The following THSD4 variants were observed in gnomAD, a reference collection of about 807,000 sequenced individuals.
THSD4 encodes thrombospondin type-1 domain-containing protein 4.
THSD4 carries 69 observed loss-of-function variants against 119.0 expected under a neutral mutation model. The ratio of observed to expected loss-of-function variants is 0.58; its 90% CI spans 0.48 to 0.71. The LOEUF is 0.71. Ranked by LOEUF, THSD4 falls within the 30% of genes least tolerant of loss-of-function variation. THSD4 has a pLI of 0.00. For missense variants in THSD4, 1,393 were observed against 1,391.1 expected (o/e 1.00, Z -0.02); for synonymous variants, 524 against 540.4 (o/e 0.97, Z 0.42).
At chr15:71,315,082 A>G (rs2045167671) in intron 6 of THSD4, among the ~76,000 whole-genome samples, 2 of 152,144 alleles carry the variant, frequency 1.3e-5, no homozygotes, top group Non-Finnish European at 2.9e-5. Flanking sequence ...GAATATGTTG[A>G]TGGCAGTGGT....
At chr15:71,152,422 CA>C (rs11312461) in intron 2 of THSD4, among the ~76,000 whole-genome samples, 11,875 of 120,442 alleles carry the variant, frequency 0.099, 824 homozygotes, top group African/African-American at 0.24. Flanking sequence ...ACTCTGTCTC[CA>C]AAAAAAAAAA....
upstream of THSD4, chr15:71,112,402 C>G (rs77754817): frequency 1.0e-3 from 567 of 551,870 alleles, 4 homozygotes; most frequent in African/African-American, 1.0e-2. Context: ...TGACACATGA[C>G]AGAAGAGTTA....
intron 4 of THSD4, among the ~76,000 whole-genome samples, chr15:71,239,505 G>C (rs1414422360): frequency 1.3e-5 from 2 of 152,112 alleles, no homozygotes; most frequent in East Asian, 3.9e-4. Context: ...TGAACCACTA[G>C]CCTACACTGA....
intron 6 of THSD4, among the ~76,000 whole-genome samples, chr15:71,315,620 T>C (rs990452007): frequency 6.6e-6 from 1 of 152,234 alleles, no homozygotes; most frequent in African/African-American, 2.4e-5. Flanking sequence ...TTTATTTTCT[T>C]TTGAACAAAG....
chr15:71,114,607 G>T (rs753808165), upstream of THSD4, among the ~76,000 whole-genome samples: 1 of 152,170 alleles, frequency 6.6e-6, no homozygotes, highest in Non-Finnish European at 1.5e-5. Flanking sequence ...AAGAAACGGG[G>T]CCCTAGCAAT....
At chr15:71,608,473 A>G (rs757005130) in intron 7 of THSD4, among the ~76,000 whole-genome samples, 6 of 152,146 alleles carry the variant, frequency 3.9e-5, no homozygotes, top group Non-Finnish European at 5.9e-5. Context: ...TCTTACACAC[A>G]TGATATGAGC....
chr15:71,172,441 A>G (rs2043377541), intron 3 of THSD4, among the ~76,000 whole-genome samples: 1 of 151,934 alleles, frequency 6.6e-6, no homozygotes, highest in African/African-American at 2.4e-5. Flanking sequence ...ATTTAACACA[A>G]TTCCAATAAA....
chr15:71,538,593 G>C (rs1310070361), intron 7 of THSD4, among the ~76,000 whole-genome samples: 2 of 152,222 alleles, frequency 1.3e-5, no homozygotes, highest in African/African-American at 4.8e-5. Context: ...GCTTGAAGCA[G>C]TGGTTCCCAA....
chr15:71,381,403 C>G (rs60849218), intron 6 of THSD4, among the ~76,000 whole-genome samples: 7,309 of 152,268 alleles, frequency 0.048, 199 homozygotes, highest in African/African-American at 0.075. Context: ...CCTGCCAAAG[C>G]ATTTCCTTGG....
At chr15:71,750,341 A>T (rs141816826) in intron 14 of THSD4, among the ~76,000 whole-genome samples, 19 of 152,222 alleles carry the variant, frequency 1.2e-4, no homozygotes, top group African/African-American at 4.3e-4. Flanking sequence ...GCCACCATGC[A>T]CCTGTTATTG....
intron 3 of THSD4, among the ~76,000 whole-genome samples, chr15:71,161,675 T>C (rs1029450853): frequency 3.9e-5 from 6 of 152,106 alleles, no homozygotes; most frequent in African/African-American, 1.4e-4. Context: ...TATAGTTGGA[T>C]CTTGTTTTTT....
At chr15:71,597,727 C>T (rs986664842) in intron 7 of THSD4, among the ~76,000 whole-genome samples, 1 of 152,136 alleles carries the variant, frequency 6.6e-6, no homozygotes, top group Admixed American at 6.5e-5. Flanking sequence ...TTAACAAGCT[C>T]GACGCCTTAT....
chr15:71,342,425 GAGA>G (rs1365232378), intron 6 of THSD4: 2 of 153,212 alleles, frequency 1.3e-5, no homozygotes, highest in Non-Finnish European at 2.9e-5. Flanking sequence ...GAAAACAGGA[GAGA>G]AGAAACAACA....
In THSD4 at chr15:71,199,630, G is replaced by GCA. The variant is rs1217505492; in HGVS notation, c.100-15405_100-15404insCA. Among the ~76,000 whole-genome samples the GCA allele has an allele frequency of 1.2e-3, 180 of 146,934 alleles. 3 individuals are homozygous for GCA. The highest frequency in any genetic ancestry group is 4.6e-3 in the African/African-American group (175 of 38,394). ...TGTGTGTGGTGTGTGGGTGTGTGGT[G>GCA]TGTGTGGTGTGTGTGTGGTGTGTGT... On this transcript the variant is annotated intron_variant, in intron 3 of 17. Coordinates refer to ENST00000261862, the MANE Select transcript of THSD4 (RefSeq NM_024817.3).
intron 7 of THSD4, among the ~76,000 whole-genome samples, chr15:71,569,405 G>A (rs1478399750): frequency 6.6e-6 from 1 of 152,128 alleles, no homozygotes. Flanking sequence ...TTGGCCCAGT[G>A]ATCAATAATG....
At chr15:71,361,838 C>A (rs2045895420) in intron 6 of THSD4, among the ~76,000 whole-genome samples, 1 of 152,174 alleles carries the variant, frequency 6.6e-6, no homozygotes, top group Non-Finnish European at 1.5e-5. Flanking sequence ...TGTGTATGTG[C>A]TGATCTGGAC....
chr15:71,444,571 C>CA (rs1326848718), intron 7 of THSD4, among the ~76,000 whole-genome samples: 2 of 152,248 alleles, frequency 1.3e-5, no homozygotes, highest in Non-Finnish European at 2.9e-5. Flanking sequence ...CACAGCACCT[C>CA]ACGCTGCACG....
intron 6 of THSD4, among the ~76,000 whole-genome samples, chr15:71,354,694 ATAGT>A (rs1253852405): frequency 2.0e-5 from 3 of 152,168 alleles, no homozygotes; most frequent in African/African-American, 7.2e-5. Context: ...CAATCAGAAA[ATAGT>A]TAGGCCTTCT....
At chr15:71,473,205 A>T (rs899326906) in intron 7 of THSD4, among the ~76,000 whole-genome samples, 1 of 151,908 alleles carries the variant, frequency 6.6e-6, no homozygotes, top group Non-Finnish European at 1.5e-5. Context: ...CTACAGGCAC[A>T]CACTACCACA....
Sources: allele counts gnomAD v4.1 joint callset (sites outside exome capture counted in the v4.1 genomes callset), GRCh38; gene constraint gnomAD v4.1.1; transcripts MANE v1.5; gene names NCBI Gene and HGNC (gene_info 2026-07-23, HGNC 2026-07-21).